The following MYMK variants were observed in gnomAD, a reference collection of about 807,000 sequenced individuals.
MYMK encodes the protein myomaker, myoblast fusion factor.
MYMK carries 16 observed loss-of-function variants against 22.4 expected under a neutral mutation model. The observed-to-expected ratio is 0.72, with a 90% CI of 0.48 to 1.09. MYMK has a LOEUF of 1.09. Ranked by LOEUF, MYMK falls within the 50% of genes least tolerant of loss-of-function variation. MYMK has a pLI of 0.00. For missense variants in MYMK, 250 were observed against 295.6 expected (o/e 0.85, Z 1.13); for synonymous variants, 125 against 127.0 (o/e 0.98, Z 0.11).
chr9:133,519,081 AC>A lies in MYMK; in HGVS notation c.251-60del, dbSNP rs1375796980. The A allele has an allele frequency of 1.2e-4, 196 of 1,582,522 alleles. 2 individuals are homozygous for A. The highest frequency in any genetic ancestry group is 1.5e-4 in the Non-Finnish European group (175 of 1,164,610). ...GTGGTCTCTCTTGCTCCTCCTGGCTACCCCCCCACCCCCCAGCCCCCAGGAG... is the reference window on the plus strand; with the variant it reads ...GTGGTCTCTCTTGCTCCTCCTGGCTACCCCCCACCCCCCAGCCCCCAGGAG... On this transcript the variant is annotated intron_variant, in intron 2 of 4. Coordinates refer to ENST00000339996, the MANE Select transcript of MYMK (RefSeq NM_001080483.3).
At position 133,515,918 on chromosome 9, in the gene MYMK, T is replaced by A. The variant is rs1844625493; in HGVS notation, c.400-311A>T. ...AACAACGCCACCCTCGCATGTCTCC[T>A]CCTCCCTGGAGGGGAGCTCTGGGGG... On this transcript the variant is annotated intron_variant, in intron 3 of 4. Transcript: ENST00000339996. This position sits in a 1 kb window ranked among gnomAD's most constrained non-coding sequence, Gnocchi z 5.8. Among the ~76,000 whole-genome samples, 2 of 152,236 alleles carry A rather than the reference T, an allele frequency of 1.3e-5. No individual in the cohort carries two copies. The highest frequency in any genetic ancestry group is 4.1e-4 in the South Asian group (2 of 4,820).
chr9:133,515,448 G>T lies in MYMK; in HGVS notation c.516+43C>A. The T allele has an allele frequency of 7.4e-7, 1 of 1,350,106 alleles. No homozygotes were observed. Among genetic ancestry groups the T allele is most frequent in the Non-Finnish European group, 1.1e-6 (1 of 943,570 alleles). The allele number at this position is 1,350,106 out of a possible 1,614,324, so 83.6% of individuals were successfully genotyped here. A position where few individuals can be genotyped will look rare whatever the true frequency, so the allele number is the denominator to read the frequency against. The stretch of plus-strand genomic sequence containing the variant: ...TCCCAGCTGAGCAGAGCCATGCCGA[G>T]TGGGCTCTGGGGCACAGGACACCTC... On this transcript the variant is annotated intron_variant, in intron 4 of 4. Transcript: ENST00000339996. The surrounding 1 kb of genome is among the most constrained non-coding windows in gnomAD (Gnocchi z 5.8).
Position 133,520,211 on chromosome 9 carries a change from G to A in MYMK, c.213C>T (p.Val71=). 6.2e-7 allele frequency: 1 copy of A among 1,614,096 alleles called. No individual in the cohort carries two copies. Among genetic ancestry groups the A allele is most frequent in the East Asian group, 2.2e-5 (1 of 44,876 alleles). The part of the protein sequence containing the change: ...MRHDILEYFS[V]YGTALSMWVS... ...CCCACATGCTCAGGGCTGTCCCGTA[G>A]ACACTGAAATACTCCAGGATGTCGT... is the stretch of plus-strand genomic sequence containing the variant. Residue 71 remains valine (V), a synonymous_variant, in exon 2 of 5, where the codon GTC becomes GTT. Coordinates refer to ENST00000339996, the MANE Select transcript of MYMK (RefSeq NM_001080483.3).
At chr9:133,516,369 G>A (rs1279428480) in intron 3 of MYMK, among the ~76,000 whole-genome samples, 1 of 152,212 alleles carries the variant, frequency 6.6e-6, no homozygotes, top group African/African-American at 2.4e-5. Context: ...TTGTTGGGGA[G>A]GAAGGAGGGA....
intron 3 of MYMK, among the ~76,000 whole-genome samples, chr9:133,517,447 C>A (rs978636839): frequency 4.6e-5 from 7 of 152,192 alleles, no homozygotes; most frequent in Admixed American, 3.9e-4. Context: ...AGGCAGATTA[C>A]CTGAAGTCAG....
chr9:133,518,627 G>A (rs147898856), intron 3 of MYMK, among the ~76,000 whole-genome samples: 9 of 152,358 alleles, frequency 5.9e-5, no homozygotes, highest in South Asian at 2.1e-4. Flanking sequence ...AGGTACGGGC[G>A]TGGAGGTGAG....
At position 133,515,970 on chromosome 9, in the gene MYMK, G is replaced by A. The variant is rs1465826378; in HGVS notation, c.400-363C>T. On this transcript the variant is annotated intron_variant, in intron 3 of 4. Coordinates refer to ENST00000339996, the MANE Select transcript of MYMK (RefSeq NM_001080483.3). This position sits in a 1 kb window ranked among gnomAD's most constrained non-coding sequence, Gnocchi z 5.8. The stretch of plus-strand genomic sequence containing the variant: ...ACTAGACTCCATGATTGCTTACCAA[G>A]GAAAGTACTGGAGTACTTGGGACCT... 1.3e-5 allele frequency among the ~76,000 whole-genome samples: 2 copies of A among 152,230 alleles called. No homozygotes were observed. The highest frequency in any genetic ancestry group is 4.8e-5 in the African/African-American group (2 of 41,466).
chr9:133,522,114 G>A (rs1844709877), intron 1 of MYMK, among the ~76,000 whole-genome samples: 1 of 152,240 alleles, frequency 6.6e-6, no homozygotes, highest in South Asian at 2.1e-4. Flanking sequence ...AGCTCCATTC[G>A]ACAGATGGGG....
rs376451203 is a variant in MYMK at position 133,524,873 on chromosome 9, G to A, written c.-29C>T. The A allele has an allele frequency of 6.3e-7, 1 of 1,583,892 alleles. No homozygotes were observed. Among genetic ancestry groups the A allele is most frequent in the Non-Finnish European group, 8.6e-7 (1 of 1,164,760 alleles). On this transcript the variant is annotated 5_prime_UTR_variant, in exon 1 of 5. Coordinates refer to ENST00000339996, the MANE Select transcript of MYMK (RefSeq NM_001080483.3). ...CCAGGAGGAAAGCACTGGCTGGGGT[G>A]GGGAGGGTGCTGGTGTCCCAGGTCC...
chr9:133,515,614 G>C lies in MYMK; in HGVS notation c.400-7C>G. ...TCTCCTTCATCTTCTGTAGCTGTGAGGACAGGAGGCCACAGCAAAGCTTTT... is the reference window on the plus strand; with the variant it reads ...TCTCCTTCATCTTCTGTAGCTGTGACGACAGGAGGCCACAGCAAAGCTTTT... On this transcript the variant is annotated splice_region_variant and splice_polypyrimidine_tract_variant and intron_variant, in intron 3 of 4. Transcript: ENST00000339996. The surrounding 1 kb of genome is among the most constrained non-coding windows in gnomAD (Gnocchi z 5.8). 1 of 1,587,736 alleles carries C rather than the reference G, an allele frequency of 6.3e-7. No individual in the cohort carries two copies. The highest frequency in any genetic ancestry group is 8.6e-7 in the Non-Finnish European group (1 of 1,156,216).
chr9:133,523,634 T>C (rs1844728783), intron 1 of MYMK, among the ~76,000 whole-genome samples: 1 of 147,154 alleles, frequency 6.8e-6, no homozygotes, highest in Non-Finnish European at 1.5e-5. Context: ...GAGATGGTAA[T>C]AGACGAATAG....
At chr9:133,517,435 G>T (rs771747163) in intron 3 of MYMK, among the ~76,000 whole-genome samples, 5 of 152,194 alleles carry the variant, frequency 3.3e-5, no homozygotes, top group Non-Finnish European at 7.3e-5. Context: ...GGAGACTGAG[G>T]CAGGCAGATT....
intron 3 of MYMK, among the ~76,000 whole-genome samples, chr9:133,516,437 G>T (rs1243832174): frequency 6.6e-6 from 1 of 152,194 alleles, no homozygotes; most frequent in Non-Finnish European, 1.5e-5. Context: ...CACTCAGGAG[G>T]CTATAGATTT....
intron 3 of MYMK, among the ~76,000 whole-genome samples, chr9:133,516,662 G>C (rs1023418034): frequency 5.3e-5 from 8 of 152,202 alleles, no homozygotes; most frequent in African/African-American, 1.9e-4. Context: ...TTGAGCACCT[G>C]CAGTCCTGCA....
In MYMK at chr9:133,524,770, C is replaced by T. The variant is rs752715831; in HGVS notation, c.75G>A (p.Ala25=). The change falls in exon 1 of 5, where the codon GCG becomes GCA. Residue 25 remains alanine (A), a synonymous_variant. Transcript: ENST00000339996. ...CCTCCATGTGGAACCGCCTCTTGGC[C>T]GCGATGCTGACAGTGGGGAGGAAGG... The part of the protein sequence containing the change: ...SLAFLPTVSI[A]AKRRFHMEAM... The T allele has an allele frequency of 3.0e-5, 49 of 1,614,024 alleles. No individual in the cohort carries two copies. In the South Asian group the frequency reaches 3.4e-4, roughly 11 times the overall value.
rs374463477 is a variant in MYMK at position 133,524,862 on chromosome 9, C to T, written c.-18G>A. ...GTCCCCATGGGCCAGGAGGAAAGCA[C>T]TGGCTGGGGTGGGGAGGGTGCTGGT... On this transcript the variant is annotated 5_prime_UTR_variant, in exon 1 of 5. In the 5' UTR this introduces an upstream ATG that the reference lacks. Transcript: ENST00000339996. 6.3e-7 allele frequency: 1 copy of T among 1,594,926 alleles called. No homozygotes were observed. Among genetic ancestry groups the T allele is most frequent in the African/African-American group, 1.3e-5 (1 of 74,582 alleles).
intron 1 of MYMK, among the ~76,000 whole-genome samples, chr9:133,522,879 T>C (rs1844717050): frequency 1.3e-5 from 2 of 152,186 alleles, no homozygotes; most frequent in Non-Finnish European, 2.9e-5. Context: ...ATGGTCACAG[T>C]GACACAAGTG....
chr9:133,524,473 A>C (rs1844737147), intron 1 of MYMK, among the ~76,000 whole-genome samples: 1 of 152,190 alleles, frequency 6.6e-6, no homozygotes, highest in Non-Finnish European at 1.5e-5. Flanking sequence ...GCTTGGTCTC[A>C]CACAGGCAGT....
At chr9:133,519,852 C>T (rs1844676830) in intron 2 of MYMK, among the ~76,000 whole-genome samples, 1 of 152,210 alleles carries the variant, frequency 6.6e-6, no homozygotes, top group Non-Finnish European at 1.5e-5. Flanking sequence ...GAACAGCGGT[C>T]CTCCCAGGGA....
Sources: gnomAD v4.1 joint callset for allele counts (sites outside exome capture counted in the v4.1 genomes callset) on GRCh38, gnomAD v4.1.1 for gene constraint, Gnocchi (gnomAD v3.1) non-coding constraint, MANE v1.5 for transcripts, NCBI Gene and HGNC (gene_info 2026-07-23, HGNC 2026-07-21) for gene names.